Variants in CCDC178 observed in about 807,000 individuals in gnomAD.
CCDC178 encodes the protein coiled-coil domain-containing protein 178.
A neutral mutation model predicts 117.4 loss-of-function variants in CCDC178; 126 were observed. That is an observed-to-expected ratio of 1.07 (90% CI 0.93 to 1.24). The LOEUF is 1.24. Ranked by LOEUF, CCDC178 falls within the 50% of genes most tolerant of loss-of-function variation. CCDC178 has a pLI of 0.00. For missense variants in CCDC178, 1,030 were observed against 986.9 expected, an observed-to-expected ratio of 1.04 and a Z score of -0.59; for synonymous variants, 283 against 313.4, an observed-to-expected ratio of 0.90 and a Z score of 1.02.
chr18:33,429,842 T>G (rs1204484418), intron 2 of CCDC178, among the ~76,000 whole-genome samples: 1 of 152,176 alleles, frequency 6.6e-6, no homozygotes, highest in South Asian at 2.1e-4. Flanking sequence ...TTAACAAAAG[T>G]AAGCTTAAAC....
In CCDC178 at chr18:33,328,082, GATTTTTTTTTTTTTTTTTTTTTTTT is replaced by G. The variant is rs1483304335; in HGVS notation, c.880-4474_880-4450del. Reference sequence around the variant, plus strand: ...CCAAGGTCATAAAGATTTATCCCTAGATTTTTTTTTTTTTTTTTTTTTTTTTTTTTTTTTTTTTGAGACAGAGTCT... The same window carrying G: ...CCAAGGTCATAAAGATTTATCCCTAGTTTTTTTTTTTTTGAGACAGAGTCT... On this transcript the variant is annotated intron_variant, in intron 10 of 22. Transcript: ENST00000383096. The G allele has an allele frequency of 7.1e-4, 177 of 249,110 alleles. 5 individuals are homozygous for G. Among genetic ancestry groups the G allele is most frequent in the African/African-American group, 4.8e-3 (145 of 30,470 alleles). 15.4% of individuals were successfully genotyped at this position (249,110 alleles called of 1,614,324 possible). A position where few individuals can be genotyped will look rare whatever the true frequency, so the allele number is the denominator to read the frequency against.
chr18:33,140,399 T>C (rs1035972846), intron 20 of CCDC178, among the ~76,000 whole-genome samples: 1 of 152,016 alleles, frequency 6.6e-6, no homozygotes, highest in Middle Eastern at 3.2e-3. Flanking sequence ...ATGAAAGCAG[T>C]TGGGAGGGAA....
At chr18:32,976,598 T>C (rs1332293377) in intron 21 of CCDC178, among the ~76,000 whole-genome samples, 5 of 152,080 alleles carry the variant, frequency 3.3e-5, no homozygotes, top group Non-Finnish European at 5.9e-5. Flanking sequence ...CAAGTAAACA[T>C]TAATAGCAGA....
intron 9 of CCDC178, among the ~76,000 whole-genome samples, chr18:33,339,402 A>G (rs1345652718): frequency 6.6e-6 from 1 of 151,792 alleles, no homozygotes; most frequent in East Asian, 1.9e-4. Flanking sequence ...GGAATGAAAA[A>G]GATACCATCA....
intron 8 of CCDC178, among the ~76,000 whole-genome samples, chr18:33,348,437 A>G (rs1391486713): frequency 6.6e-6 from 1 of 151,980 alleles, no homozygotes; most frequent in Non-Finnish European, 1.5e-5. Context: ...TCAATATGGT[A>G]GTCATCATCC....
chr18:33,024,098 A>T (rs772246356), intron 21 of CCDC178, among the ~76,000 whole-genome samples: 1 of 152,224 alleles, frequency 6.6e-6, no homozygotes, highest in Non-Finnish European at 1.5e-5. Context: ...TGAATCCATA[A>T]TTTGAAAACT....
At chr18:33,145,307 T>G (rs2058254349) in intron 20 of CCDC178, among the ~76,000 whole-genome samples, 1 of 152,192 alleles carries the variant, frequency 6.6e-6, no homozygotes, top group Admixed American at 6.5e-5. Flanking sequence ...ACGCCTTGTA[T>G]TTTTAAAACT....
chr18:33,313,838 A>G (rs1414138517), intron 11 of CCDC178, among the ~76,000 whole-genome samples: 6 of 152,152 alleles, frequency 3.9e-5, no homozygotes, highest in African/African-American at 1.2e-4. Context: ...GCGCCTCAGG[A>G]CACCATTAAT....
At chr18:33,054,556 A>G (rs2056797951) in intron 21 of CCDC178, among the ~76,000 whole-genome samples, 1 of 152,210 alleles carries the variant, frequency 6.6e-6, no homozygotes, top group Non-Finnish European at 1.5e-5. Context: ...TTTGATGAGG[A>G]TAATGGCTTC....
intron 21 of CCDC178, among the ~76,000 whole-genome samples, chr18:33,049,973 C>T (rs1416423188): frequency 1.3e-5 from 2 of 152,010 alleles, no homozygotes; most frequent in Non-Finnish European, 2.9e-5. Flanking sequence ...CCCAGCTACT[C>T]AGGAGGCTGA....
At chr18:33,074,448 G>C (rs1172236854) in intron 21 of CCDC178, among the ~76,000 whole-genome samples, 1 of 152,068 alleles carries the variant, frequency 6.6e-6, no homozygotes, top group Non-Finnish European at 1.5e-5. Flanking sequence ...TTCTGTGTTT[G>C]GTTTCTTTTG....
At chr18:33,062,423 T>C (rs1304250183) in intron 21 of CCDC178, among the ~76,000 whole-genome samples, 3 of 152,086 alleles carry the variant, frequency 2.0e-5, no homozygotes, top group Non-Finnish European at 4.4e-5. Context: ...ATACTATGAA[T>C]AGAGCTTGTA....
intron 20 of CCDC178, among the ~76,000 whole-genome samples, chr18:33,148,695 C>T (rs1346602351): frequency 2.0e-5 from 3 of 152,160 alleles, no homozygotes; most frequent in Non-Finnish European, 4.4e-5. Context: ...TGAGGATATG[C>T]AGATACCTTG....
intron 11 of CCDC178, among the ~76,000 whole-genome samples, chr18:33,311,785 C>T (rs1409728318): frequency 2.0e-5 from 3 of 152,132 alleles, no homozygotes; most frequent in South Asian, 4.1e-4. Flanking sequence ...GGAGCTACAA[C>T]TTTTACTGGA....
intron 9 of CCDC178, among the ~76,000 whole-genome samples, 184 bp downstream of exon 9, chr18:33,346,027 C>G (rs1599196977): frequency 6.6e-6 from 1 of 152,096 alleles, no homozygotes; most frequent in East Asian, 1.9e-4. Flanking sequence ...AGGTTTTCAC[C>G]ACGTTTCTTA....
intron 9 of CCDC178, among the ~76,000 whole-genome samples, chr18:33,344,844 CACACACACACATAT>C (rs1311093834): frequency 1.4e-5 from 2 of 147,520 alleles, no homozygotes; most frequent in African/African-American, 5.1e-5. Flanking sequence ...CACACACACA[CACACACACACATAT>C]ATTTATAAAT....
chr18:33,322,989 T>C, intron 11 of CCDC178, among the ~76,000 whole-genome samples: 1 of 151,272 alleles, frequency 6.6e-6, no homozygotes, highest in Non-Finnish European at 1.5e-5. Context: ...AGAAAATAAA[T>C]ACATCAGGAA....
chr18:33,221,710 G>C (rs180928146), intron 18 of CCDC178, among the ~76,000 whole-genome samples: 161 of 152,162 alleles, frequency 1.1e-3, no homozygotes, highest in Non-Finnish European at 1.5e-3. Flanking sequence ...CTCATCAAAA[G>C]CAAAGCCAGT....
At chr18:33,304,140 T>C (rs1349027474) in intron 11 of CCDC178, among the ~76,000 whole-genome samples, 1 of 152,192 alleles carries the variant, frequency 6.6e-6, no homozygotes, top group Non-Finnish European at 1.5e-5. Flanking sequence ...GCATAAAAAG[T>C]ATAACCAAAC....
Sources: allele counts gnomAD v4.1 joint callset (sites outside exome capture counted in the v4.1 genomes callset), GRCh38; gene constraint gnomAD v4.1.1; transcripts MANE v1.5; gene names NCBI Gene and HGNC (gene_info 2026-07-23, HGNC 2026-07-21).